Variants in GPC5 observed in about 807,000 individuals in gnomAD.
The protein encoded by GPC5 is glypican 5.
In GPC5, 47 loss-of-function variants were observed where a neutral mutation model predicts 53.9. The observed-to-expected ratio is 0.87, with a 90% CI of 0.69 to 1.11. GPC5 has a LOEUF of 1.11. Among genes scored for constraint, GPC5 ranks in the 50% most tolerant of loss-of-function variants. The pLI is 0.00. For missense variants in GPC5, 748 were observed against 713.1 expected (o/e 1.05, Z -0.56); for synonymous variants, 286 against 263.3 (o/e 1.09, Z -0.84).
At chr13:92,501,880 A>G (rs1880195357) in intron 7 of GPC5, among the ~76,000 whole-genome samples, 1 of 152,118 alleles carries the variant, frequency 6.6e-6, no homozygotes, top group Non-Finnish European at 1.5e-5. Flanking sequence ...ATAAACATAA[A>G]ATAATAGTGT....
At chr13:92,185,173 T>A (rs1856866030) in intron 7 of GPC5, among the ~76,000 whole-genome samples, 1 of 152,176 alleles carries the variant, frequency 6.6e-6, no homozygotes, top group Non-Finnish European at 1.5e-5. Flanking sequence ...GGTCATTCAA[T>A]ATCCTGGGAC....
chr13:92,375,282 T>C (rs2043685065), intron 7 of GPC5, among the ~76,000 whole-genome samples: 1 of 152,228 alleles, frequency 6.6e-6, no homozygotes, highest in African/African-American at 2.4e-5. Context: ...AATGTCATTT[T>C]GAGTAATGTC....
chr13:92,634,465 G>A (rs1394680628), intron 7 of GPC5, among the ~76,000 whole-genome samples: 2 of 151,984 alleles, frequency 1.3e-5, no homozygotes, highest in African/African-American at 2.4e-5. Flanking sequence ...TCCTGAATCA[G>A]TATTTCCTTA....
At chr13:91,915,433 A>C (rs577062130) in intron 6 of GPC5, among the ~76,000 whole-genome samples, 1 of 151,966 alleles carries the variant, frequency 6.6e-6, no homozygotes, top group Non-Finnish European at 1.5e-5. Context: ...TTTTTTTTTT[A>C]AAGTAATGGG....
At chr13:92,304,680 T>TTAAATG (rs150356328) in intron 7 of GPC5, among the ~76,000 whole-genome samples, 3 of 151,882 alleles carry the variant, frequency 2.0e-5, no homozygotes, top group African/African-American at 4.8e-5. Flanking sequence ...AATATGTAAG[T>TTAAATG]TAAATATTTC....
At chr13:92,133,854 C>T (rs1475758930) in intron 6 of GPC5, among the ~76,000 whole-genome samples, 1 of 152,092 alleles carries the variant, frequency 6.6e-6, no homozygotes, top group African/African-American at 2.4e-5. Context: ...GTAGAAAATA[C>T]ATGTTTTTTT....
chr13:91,982,579 G>A (rs2040369161), intron 6 of GPC5, among the ~76,000 whole-genome samples: 2 of 152,048 alleles, frequency 1.3e-5, no homozygotes, highest in South Asian at 2.1e-4. Flanking sequence ...AGTGAAAGAC[G>A]AAAATCTAGG....
At chr13:91,835,516 G>A (rs1401108139) in intron 5 of GPC5, among the ~76,000 whole-genome samples, 1 of 152,076 alleles carries the variant, frequency 6.6e-6, no homozygotes, top group Non-Finnish European at 1.5e-5. Flanking sequence ...ACTGGATAAA[G>A]AAATGTGGCA....
At chr13:92,403,712 T>C (rs1338921968) in intron 7 of GPC5, among the ~76,000 whole-genome samples, 1 of 152,236 alleles carries the variant, frequency 6.6e-6, no homozygotes, top group Non-Finnish European at 1.5e-5. Flanking sequence ...ACGATAATTA[T>C]TCATTTCTTC....
chr13:91,857,587 T>G (rs1246600686), intron 5 of GPC5, among the ~76,000 whole-genome samples: 1 of 151,302 alleles, frequency 6.6e-6, no homozygotes, highest in Non-Finnish European at 1.5e-5. Context: ...GCTGTTTTTT[T>G]TTTCCAAATT....
intron 5 of GPC5, among the ~76,000 whole-genome samples, chr13:91,844,517 C>T (rs1326152663): frequency 2.6e-5 from 4 of 152,102 alleles, no homozygotes; most frequent in Non-Finnish European, 5.9e-5. Context: ...GCTGTAGAAC[C>T]GTACAGCAAC....
Position 91,905,519 on chromosome 13 carries a change from T to C in GPC5, c.1281-2418T>C, listed in dbSNP as rs75757574. Among the ~76,000 whole-genome samples, 858 of 152,226 alleles carry C rather than the reference T, an allele frequency of 5.6e-3. 8 individuals are homozygous for C. The highest frequency in any genetic ancestry group is 0.02 in the African/African-American group (818 of 41,544). On this transcript the variant is annotated intron_variant, in intron 5 of 7. Coordinates refer to ENST00000377067, the MANE Select transcript of GPC5 (RefSeq NM_004466.6). Reference sequence around the variant, plus strand: ...TGTGTTAATATTATCATTTTTATCATGTCCAATGGATAGTATCATTATCAA... The same window carrying C: ...TGTGTTAATATTATCATTTTTATCACGTCCAATGGATAGTATCATTATCAA...
intron 7 of GPC5, among the ~76,000 whole-genome samples, chr13:92,531,178 A>G (rs1017188921): frequency 5.3e-5 from 8 of 152,114 alleles, no homozygotes; most frequent in Non-Finnish European, 1.0e-4. Context: ...CTACTCTGAC[A>G]GTTGATAAGT....
chr13:91,752,199 A>AT (rs1437595883), intron 4 of GPC5, among the ~76,000 whole-genome samples: 1 of 152,108 alleles, frequency 6.6e-6, no homozygotes, highest in Non-Finnish European at 1.5e-5. Flanking sequence ...AATTCTAATT[A>AT]TTTTTTTAAT....
intron 7 of GPC5, among the ~76,000 whole-genome samples, chr13:92,315,868 C>T (rs1422258067): frequency 6.6e-6 from 1 of 152,176 alleles, no homozygotes; most frequent in Non-Finnish European, 1.5e-5. Context: ...AAAGACAACT[C>T]AGTCATTCAG....
chr13:91,897,238 AAAGTT>A (rs2039451708), intron 5 of GPC5, among the ~76,000 whole-genome samples: 1 of 152,256 alleles, frequency 6.6e-6, no homozygotes, highest in African/African-American at 2.4e-5. Flanking sequence ...TCATTAAGAA[AAAGTT>A]ATTTACAAAT....
chr13:92,457,804 A>G (rs1878329374), intron 7 of GPC5, among the ~76,000 whole-genome samples: 1 of 152,082 alleles, frequency 6.6e-6, no homozygotes. Flanking sequence ...CCTGCCATAC[A>G]TCTCTCCTCT....
intron 7 of GPC5, among the ~76,000 whole-genome samples, chr13:92,554,484 C>T (rs1038999595): frequency 1.3e-5 from 2 of 150,312 alleles, no homozygotes; most frequent in Non-Finnish European, 3.0e-5. Flanking sequence ...AGATTTAACC[C>T]AACAAGCTAG....
At chr13:92,095,838 T>C (rs2041418202) in intron 6 of GPC5, among the ~76,000 whole-genome samples, 1 of 152,110 alleles carries the variant, frequency 6.6e-6, no homozygotes, top group Non-Finnish European at 1.5e-5. Flanking sequence ...CACTCCTAAA[T>C]CTATTATTTA....
Sources: allele counts gnomAD v4.1 joint callset (sites outside exome capture counted in the v4.1 genomes callset), GRCh38; gene constraint gnomAD v4.1.1; transcripts MANE v1.5; gene names NCBI Gene and HGNC (gene_info 2026-07-23, HGNC 2026-07-21).